GLDC: variants seen among roughly 807,000 people sequenced by gnomAD.
GLDC encodes the protein glycine dehydrogenase (decarboxylating), mitochondrial.
A neutral mutation model predicts 121.3 loss-of-function variants in GLDC; 104 were observed. The observed-to-expected ratio is 0.86, with a 90% CI of 0.73 to 1.01. The LOEUF (loss-of-function observed/expected upper bound fraction) is 1.01. GLDC is among the 50% of genes least tolerant of loss of function. GLDC has a pLI of 0.00. For synonymous variants in GLDC, 546 were observed against 480.6 expected, an observed-to-expected ratio of 1.14 and a Z score of -1.78; for missense variants, 1,429 against 1,306.6, an observed-to-expected ratio of 1.09 and a Z score of -1.44.
intron 4 of GLDC, 103 bp from the exon 5 acceptor site, chr9:6,606,772 G>A (rs1233047418): frequency 1.6e-5 from 13 of 806,222 alleles, no homozygotes; most frequent in Admixed American, 5.2e-5. Context: ...TCTAAGCACA[G>A]TATAAAAAAT....
At chr9:6,612,437 A>G (rs909851749) in intron 3 of GLDC, among the ~76,000 whole-genome samples, 1 of 152,200 alleles carries the variant, frequency 6.6e-6, no homozygotes, top group Non-Finnish European at 1.5e-5. Context: ...AAGTAATGAA[A>G]GAAAAGTAGA....
At chr9:6,636,484 A>G (rs1011393187) in intron 2 of GLDC, among the ~76,000 whole-genome samples, 1 of 152,186 alleles carries the variant, frequency 6.6e-6, no homozygotes, top group Non-Finnish European at 1.5e-5. Context: ...TGCTCTAAAA[A>G]ATAAAGTTGG....
intron 20 of GLDC, 34 bp downstream of exon 20, chr9:6,553,334 C>A (rs1012412673): frequency 1.2e-6 from 2 of 1,608,296 alleles, no homozygotes; most frequent in Non-Finnish European, 1.7e-6. Flanking sequence ...CGCCCCCACC[C>A]ACCTGCACAC....
chr9:6,634,588 G>C (rs1819462580), intron 2 of GLDC, among the ~76,000 whole-genome samples: 1 of 151,668 alleles, frequency 6.6e-6, no homozygotes. Context: ...GCTTCTCCTG[G>C]GCTGCCCGAA....
In GLDC at chr9:6,540,042, G is replaced by C; in HGVS notation, c.2665+9C>G. 1 of 1,577,904 alleles carries C rather than the reference G, an allele frequency of 6.3e-7. No homozygotes were observed. The highest frequency in any genetic ancestry group is 8.7e-7 in the Non-Finnish European group (1 of 1,147,614). On this transcript the variant is annotated intron_variant, in intron 22 of 24. Coordinates refer to ENST00000321612, the MANE Select transcript of GLDC (RefSeq NM_000170.3). Reference sequence around the variant, plus strand: ...ATGGGCGGCGGCATGAATGTCAAAAGCCACTTACCATAATCCTGGAGTCTC... The same window carrying C: ...ATGGGCGGCGGCATGAATGTCAAAACCCACTTACCATAATCCTGGAGTCTC...
chr9:6,568,035 C>T (rs1361312250), intron 15 of GLDC, among the ~76,000 whole-genome samples: 1 of 152,154 alleles, frequency 6.6e-6, no homozygotes, highest in African/African-American at 2.4e-5. Context: ...TTTATATTTA[C>T]CCCTATGTTT....
intron 22 of GLDC, among the ~76,000 whole-genome samples, chr9:6,538,475 C>A (rs1312430859): frequency 6.6e-6 from 1 of 152,182 alleles, no homozygotes; most frequent in Non-Finnish European, 1.5e-5. Context: ...AGCGGTTATG[C>A]TTTAAGACCT....
chr9:6,540,174 G>C (rs756355367), intron 21 of GLDC, 28 bp from the exon 22 acceptor site: 11 of 1,322,020 alleles, frequency 8.3e-6, no homozygotes, highest in Non-Finnish European at 1.1e-5. Context: ...TTCAGCCCAA[G>C]ATTAGCATCA....
intron 15 of GLDC, among the ~76,000 whole-genome samples, chr9:6,577,373 G>T (rs1001023598): frequency 1.1e-4 from 17 of 152,224 alleles, no homozygotes; most frequent in African/African-American, 4.1e-4. Context: ...AGGTGGTTAT[G>T]TTTTGCCTCC....
rs1209987144 is a variant in GLDC, at chr9:6,605,059, A to T, written c.861+72T>A. ...GAAATTAAGGCACATGAAAAGACAG[A>T]GAGAGAGATAGGTAGACAGATACAA... On this transcript the variant is annotated intron_variant, in intron 6 of 24. Transcript: ENST00000321612. The T allele has an allele frequency of 5.2e-6, 7 of 1,359,180 alleles. No individual in the cohort carries two copies. In the African/African-American group the frequency reaches 8.6e-5, roughly 17 times the overall value. 84.2% of individuals were successfully genotyped at this position (1,359,180 alleles called of 1,614,324 possible). A position where few individuals can be genotyped will look rare whatever the true frequency, so the allele number is the denominator to read the frequency against.
intron 22 of GLDC, among the ~76,000 whole-genome samples, chr9:6,538,111 A>ATT (rs112958622): frequency 1.4e-5 from 2 of 145,940 alleles, no homozygotes; most frequent in African/African-American, 5.0e-5. Flanking sequence ...CCAGACAGGG[A>ATT]TTTTTTTTTT....
At chr9:6,630,322 C>T (rs911054528) in intron 2 of GLDC, among the ~76,000 whole-genome samples, 2 of 152,026 alleles carry the variant, frequency 1.3e-5, no homozygotes, top group African/African-American at 4.8e-5. Flanking sequence ...TGAAATCCTC[C>T]TTGTAAAATA....
intron 18 of GLDC, chr9:6,555,009 T>G: frequency 1.7e-6 from 1 of 592,396 alleles, no homozygotes; most frequent in Admixed American, 2.9e-5. Flanking sequence ...CAACTGACCA[T>G]TTAGTCCAAT....
intron 24 of GLDC, 53 bp downstream of exon 24, chr9:6,534,655 T>C (rs768438565): frequency 7.8e-5 from 70 of 895,552 alleles, no homozygotes; most frequent in African/African-American, 1.3e-4. Flanking sequence ...CCCGTCAGGA[T>C]AGGAGCTGGC....
chr9:6,584,389 C>T (rs570137208), intron 15 of GLDC, among the ~76,000 whole-genome samples: 42 of 152,238 alleles, frequency 2.8e-4, no homozygotes, highest in African/African-American at 9.9e-4. Flanking sequence ...CATATAGGTC[C>T]CCTAGATTTC....
intron 2 of GLDC, among the ~76,000 whole-genome samples, chr9:6,637,332 G>C (rs1819524967): frequency 6.6e-6 from 1 of 151,886 alleles, no homozygotes. Flanking sequence ...TTGAACCCCG[G>C]AGGCAGAGGT....
At chr9:6,624,430 C>G (rs1289118672) in intron 2 of GLDC, among the ~76,000 whole-genome samples, 2 of 152,164 alleles carry the variant, frequency 1.3e-5, no homozygotes, top group Non-Finnish European at 2.9e-5. Context: ...GCAGCAGAGA[C>G]TGGAGCAATG....
intron 3 of GLDC, among the ~76,000 whole-genome samples, chr9:6,616,812 G>C (rs2129937800): frequency 6.6e-6 from 1 of 152,336 alleles, no homozygotes; most frequent in East Asian, 1.9e-4. Flanking sequence ...AAAATAATTA[G>C]TGTTCTCTAT....
At chr9:6,538,255 T>C (rs929085053) in intron 22 of GLDC, among the ~76,000 whole-genome samples, 2 of 152,294 alleles carry the variant, frequency 1.3e-5, no homozygotes, top group African/African-American at 4.8e-5. Flanking sequence ...AAGAAATTCC[T>C]GCATCTGGGC....
Sources: allele counts gnomAD v4.1 joint callset (sites outside exome capture counted in the v4.1 genomes callset), GRCh38; gene constraint gnomAD v4.1.1; transcripts MANE v1.5; gene names NCBI Gene and HGNC (gene_info 2026-07-23, HGNC 2026-07-21).